Variants in RAB7A observed in about 807,000 individuals in gnomAD.
RAB7A encodes RAB7A, member RAS oncogene family, also known as ras-related protein Rab-7a.
In RAB7A, 2 loss-of-function variants were observed where a neutral mutation model predicts 24.5. That is an observed-to-expected ratio of 0.08 (90% CI 0.03 to 0.26). The LOEUF (loss-of-function observed/expected upper bound fraction) is 0.26, where lower values mean the gene tolerates loss of function less well. Among genes scored for constraint, RAB7A ranks in the 10% least tolerant of loss-of-function variants. The probability of loss-of-function intolerance (pLI) is 1.00; values close to 1 mark genes in which losing one functional copy is unlikely to be tolerated. For synonymous variants in RAB7A, 100 were observed against 95.9 expected, an observed-to-expected ratio of 1.04 and a Z score of -0.25; for missense variants, 118 against 255.7, an observed-to-expected ratio of 0.46 and a Z score of 3.67.
At chr3:128,776,432 C>A (rs905325804) in intron 1 of RAB7A, among the ~76,000 whole-genome samples, 2 of 152,110 alleles carry the variant, frequency 1.3e-5, no homozygotes, top group African/African-American at 4.8e-5. Context: ...ACCACAGGTG[C>A]ACAATACCAC....
intron 1 of RAB7A, among the ~76,000 whole-genome samples, chr3:128,784,673 T>C (rs1230358537): frequency 6.6e-6 from 1 of 152,216 alleles, no homozygotes; most frequent in Non-Finnish European, 1.5e-5. Flanking sequence ...GTGCGTTCTT[T>C]AAGGAAAACT....
At chr3:128,761,424 T>A (rs1389628310) in intron 1 of RAB7A, among the ~76,000 whole-genome samples, 1 of 152,202 alleles carries the variant, frequency 6.6e-6, no homozygotes, top group Non-Finnish European at 1.5e-5. Context: ...CATCATACAT[T>A]TATTGCCATT....
At chr3:128,770,275 A>G (rs1013588322) in intron 1 of RAB7A, among the ~76,000 whole-genome samples, 1 of 152,098 alleles carries the variant, frequency 6.6e-6, no homozygotes, top group Non-Finnish European at 1.5e-5. Flanking sequence ...TGCTGGGATT[A>G]CAGCACTGGC....
chr3:128,765,057 C>G lies in RAB7A; in HGVS notation c.-8-30303C>G. The G allele has an allele frequency of 2.5e-6, 3 of 1,176,502 alleles. No homozygotes were observed. The South Asian group carries it at 3.8e-5, about 15-fold the overall frequency. The allele number at this position is 1,176,502 out of a possible 1,614,324, so 72.9% of individuals were successfully genotyped here. On this transcript the variant is annotated intron_variant, in intron 1 of 5. Transcript: ENST00000265062. ...AGAGGTGGCGGCGGTGGCTGCGCGG[C>G]GCTGGAGCGGCGGCGGGGGCCTTGG...
At chr3:128,766,374 G>A (rs572461739) in intron 1 of RAB7A, among the ~76,000 whole-genome samples, 1 of 152,178 alleles carries the variant, frequency 6.6e-6, no homozygotes, top group Non-Finnish European at 1.5e-5. Flanking sequence ...CACCCAAGAA[G>A]TCCTGGGTAA....
At chr3:128,802,544 T>G (rs1467472587) in intron 3 of RAB7A, among the ~76,000 whole-genome samples, 1 of 152,002 alleles carries the variant, frequency 6.6e-6, no homozygotes, top group African/African-American at 2.4e-5. Flanking sequence ...GGAGTCTCAC[T>G]CTGTCGCCCA....
At chr3:128,807,793 C>T (rs1933837246) in intron 5 of RAB7A, 122 bp downstream of exon 5, 2 of 1,389,746 alleles carry the variant, frequency 1.4e-6, no homozygotes, top group African/African-American at 1.4e-5. Flanking sequence ...GCCAGAATAC[C>T]CTATGTGTTC....
intron 1 of RAB7A, chr3:128,764,745 A>G: frequency 1.2e-6 from 1 of 807,342 alleles, no homozygotes; most frequent in South Asian, 1.3e-5. Flanking sequence ...CCCAGTCATC[A>G]CAGACTGGTT....
intron 4 of RAB7A, 77 bp from the exon 5 acceptor site, chr3:128,807,466 G>A: frequency 6.2e-7 from 1 of 1,605,654 alleles, no homozygotes; most frequent in Non-Finnish European, 8.5e-7. Context: ...GAGGGGCCAT[G>A]ACACTTCCTG....
chr3:128,736,074 A>G (rs530678154), intron 1 of RAB7A, among the ~76,000 whole-genome samples: 1 of 152,324 alleles, frequency 6.6e-6, no homozygotes, highest in South Asian at 2.1e-4. Context: ...ACTCAGAGCA[A>G]AGTACATAAA....
intron 1 of RAB7A, among the ~76,000 whole-genome samples, chr3:128,788,639 C>T (rs573188001): frequency 2.0e-5 from 3 of 152,198 alleles, no homozygotes; most frequent in Non-Finnish European, 4.4e-5. Flanking sequence ...AAAGCCTTCA[C>T]CTCCACGTGA....
At chr3:128,752,541 C>T (rs867225789) in intron 1 of RAB7A, among the ~76,000 whole-genome samples, 1 of 152,056 alleles carries the variant, frequency 6.6e-6, no homozygotes, top group Non-Finnish European at 1.5e-5. Flanking sequence ...TAATTGTGGT[C>T]TCTGTTTGTC....
chr3:128,813,305 CT>C, intron 5 of RAB7A, 21 bp from the exon 6 acceptor site: 4 of 1,605,830 alleles, frequency 2.5e-6, no homozygotes, highest in Non-Finnish European at 3.4e-6. Context: ...AGTAACCAAC[CT>C]TTCTCTGTTT....
At chr3:128,731,345 T>A (rs2070434608) in intron 1 of RAB7A, among the ~76,000 whole-genome samples, 1 of 152,186 alleles carries the variant, frequency 6.6e-6, no homozygotes, top group Non-Finnish European at 1.5e-5. Context: ...AGTTCTTCTG[T>A]TCACTTACAG....
At chr3:128,735,406 T>G (rs2070481693) in intron 1 of RAB7A, among the ~76,000 whole-genome samples, 1 of 152,218 alleles carries the variant, frequency 6.6e-6, no homozygotes, top group Admixed American at 6.5e-5. Flanking sequence ...TTCAACCAAG[T>G]GGCACTTCAC....
intron 1 of RAB7A, among the ~76,000 whole-genome samples, chr3:128,740,578 A>G (rs1221242550): frequency 6.6e-6 from 1 of 151,990 alleles, no homozygotes; most frequent in Non-Finnish European, 1.5e-5. Flanking sequence ...GAAAAATTTA[A>G]ATGATGTCTC....
At chr3:128,812,574 G>GT in intron 5 of RAB7A, among the ~76,000 whole-genome samples, 1 of 152,214 alleles carries the variant, frequency 6.6e-6, no homozygotes. Context: ...AGTGCTCAGT[G>GT]TTTAAGTGAC....
At position 128,813,491 on chromosome 3, in the gene RAB7A, C is replaced by T. The variant is rs1341654769; in HGVS notation, c.*69C>T. The T allele has an allele frequency of 2.9e-6, 4 of 1,392,178 alleles. No homozygotes were observed. Among genetic ancestry groups the T allele is most frequent in the Middle Eastern group, 3.5e-4 (2 of 5,682 alleles). 86.2% of individuals were successfully genotyped at this position (1,392,178 alleles called of 1,614,324 possible). On this transcript the variant is annotated 3_prime_UTR_variant, in exon 6 of 6. Coordinates refer to ENST00000265062, the MANE Select transcript of RAB7A (RefSeq NM_004637.6). ...ACACACGTAGGCCTTCAACACAATT[C>T]CCCTCTCCTCTTCCAAACAAAACAT... is the stretch of plus-strand genomic sequence containing the variant.
chr3:128,795,318 T>G, intron 1 of RAB7A, 42 bp from the exon 2 acceptor site: 1 of 1,546,014 alleles, frequency 6.5e-7, no homozygotes, highest in Non-Finnish European at 8.9e-7. Context: ...TGTTTTGGTG[T>G]TTCCATCACA....
Sources: gnomAD v4.1 joint callset for allele counts (sites outside exome capture counted in the v4.1 genomes callset) on GRCh38, gnomAD v4.1.1 for gene constraint, MANE v1.5 for transcripts, NCBI Gene and HGNC (gene_info 2026-07-23, HGNC 2026-07-21) for gene names.